Variants in PEBP4 observed in about 807,000 individuals in gnomAD.
PEBP4 encodes the protein phosphatidylethanolamine-binding protein 4.
A neutral mutation model predicts 23.9 loss-of-function variants in PEBP4; 22 were observed. That is an observed-to-expected ratio of 0.92 (90% confidence interval 0.66 to 1.31). The LOEUF (loss-of-function observed/expected upper bound fraction) is 1.31. Ranked by LOEUF, PEBP4 falls within the 40% of genes most tolerant of loss-of-function variation. PEBP4 has a pLI of 0.00. For synonymous variants in PEBP4, 112 were observed against 99.3 expected (o/e 1.13, Z -0.76); for missense variants, 324 against 281.7 (o/e 1.15, Z -1.07).
chr8:22,732,857 C>T (rs1053779664), intron 4 of PEBP4, among the ~76,000 whole-genome samples: 2 of 152,196 alleles, frequency 1.3e-5, no homozygotes, highest in East Asian at 1.9e-4. Context: ...CTCTCTCCCA[C>T]CTCAGATCCC....
intron 3 of PEBP4, among the ~76,000 whole-genome samples, chr8:22,852,249 T>C (rs1036293250): frequency 6.6e-6 from 1 of 152,202 alleles, no homozygotes; most frequent in African/African-American, 2.4e-5. Context: ...ACTCCTGCCC[T>C]CCACCTCCAA....
intron 2 of PEBP4, among the ~76,000 whole-genome samples, chr8:22,926,538 A>T (rs1007746148): frequency 6.6e-6 from 1 of 151,656 alleles, no homozygotes; most frequent in African/African-American, 2.4e-5. Context: ...TAGAGAAAAG[A>T]GTCTCTCTAT....
intron 3 of PEBP4, among the ~76,000 whole-genome samples, chr8:22,855,075 AC>A (rs1807617538): frequency 6.6e-6 from 1 of 151,626 alleles, no homozygotes. Flanking sequence ...CGTTTTTTAA[AC>A]CCTGGAAGAC....
intron 4 of PEBP4, among the ~76,000 whole-genome samples, chr8:22,741,473 C>T (rs963202554): frequency 6.6e-6 from 1 of 152,188 alleles, no homozygotes; most frequent in Non-Finnish European, 1.5e-5. Flanking sequence ...GTTTGACAAT[C>T]ATAGCAAAAA....
At chr8:22,751,330 C>T (rs893203474) in intron 4 of PEBP4, among the ~76,000 whole-genome samples, 12 of 152,154 alleles carry the variant, frequency 7.9e-5, no homozygotes, top group African/African-American at 2.9e-4. Flanking sequence ...AGACAACCTG[C>T]CACTCTTGGG....
At chr8:22,803,054 C>T (rs1005455283) in intron 4 of PEBP4, among the ~76,000 whole-genome samples, 2 of 152,180 alleles carry the variant, frequency 1.3e-5, no homozygotes, top group African/African-American at 4.8e-5. Flanking sequence ...GAGCAGACCC[C>T]TCATGGCCTC....
At chr8:22,860,108 C>T (rs1369376260) in intron 3 of PEBP4, among the ~76,000 whole-genome samples, 2 of 95,222 alleles carry the variant, frequency 2.1e-5, no homozygotes, top group Admixed American at 2.7e-4. Context: ...CAGAGTGAGA[C>T]TCCGTCTCAA....
chr8:22,857,084 A>T (rs984722784), intron 3 of PEBP4, among the ~76,000 whole-genome samples: 6 of 152,240 alleles, frequency 3.9e-5, no homozygotes, highest in African/African-American at 1.4e-4. Flanking sequence ...ACAATTGGTA[A>T]GTATAAAAAT....
chr8:22,906,490 C>A (rs1159267091), intron 3 of PEBP4, among the ~76,000 whole-genome samples: 1 of 152,178 alleles, frequency 6.6e-6, no homozygotes, highest in Admixed American at 6.5e-5. Flanking sequence ...TCTCCTCTTT[C>A]TCTCTCCTTA....
chr8:22,777,929 C>T (rs945887263), intron 4 of PEBP4, among the ~76,000 whole-genome samples: 6 of 152,264 alleles, frequency 3.9e-5, no homozygotes, highest in East Asian at 1.9e-4. Flanking sequence ...AGCCCCCCTC[C>T]GCTCTCCTCT....
chr8:22,717,033 A>T (rs1804431564), intron 6 of PEBP4, among the ~76,000 whole-genome samples: 1 of 152,140 alleles, frequency 6.6e-6, no homozygotes, highest in Non-Finnish European at 1.5e-5. Flanking sequence ...CAAGGTCCCC[A>T]CCCCTAGTGA....
chr8:22,714,151 G>A (rs1337825415), intron 6 of PEBP4, among the ~76,000 whole-genome samples: 1 of 152,258 alleles, frequency 6.6e-6, no homozygotes, highest in Non-Finnish European at 1.5e-5. Context: ...AGCTGGGCCT[G>A]CAGAAACCCA....
At chr8:22,832,054 T>C (rs1807093886) in intron 3 of PEBP4, among the ~76,000 whole-genome samples, 2 of 151,942 alleles carry the variant, frequency 1.3e-5, no homozygotes, top group Admixed American at 6.5e-5. Context: ...TGGATAAGAA[T>C]GGGCACGATA....
chr8:22,892,244 T>C (rs1444069675), intron 3 of PEBP4, among the ~76,000 whole-genome samples: 2 of 152,248 alleles, frequency 1.3e-5, no homozygotes, highest in Non-Finnish European at 2.9e-5. Flanking sequence ...ATGACACGTA[T>C]GGATTGTTTT....
intron 1 of PEBP4, among the ~76,000 whole-genome samples, chr8:22,936,118 C>T (rs1809536609): frequency 6.6e-6 from 1 of 150,528 alleles, no homozygotes; most frequent in Non-Finnish European, 1.5e-5. Flanking sequence ...AACAGAAAAT[C>T]AACAAAACCA....
At chr8:22,737,659 A>T (rs920160500) in intron 4 of PEBP4, among the ~76,000 whole-genome samples, 1 of 152,328 alleles carries the variant, frequency 6.6e-6, no homozygotes, top group African/African-American at 2.4e-5. Context: ...GCAACTTAGC[A>T]TCTAACACAG....
At chr8:22,912,089 G>C (rs1190259629) in intron 3 of PEBP4, among the ~76,000 whole-genome samples, 1 of 152,148 alleles carries the variant, frequency 6.6e-6, no homozygotes, top group Non-Finnish European at 1.5e-5. Context: ...GGTCTGGCAG[G>C]AAGTTCTGGA....
At chr8:22,792,769 T>C (rs779940394) in intron 4 of PEBP4, among the ~76,000 whole-genome samples, 2 of 151,988 alleles carry the variant, frequency 1.3e-5, no homozygotes, top group Non-Finnish European at 1.5e-5. Flanking sequence ...AGCTAATCTG[T>C]AATTGCAAGC....
At chr8:22,802,657 A>C (rs1806410065) in intron 4 of PEBP4, among the ~76,000 whole-genome samples, 1 of 152,182 alleles carries the variant, frequency 6.6e-6, no homozygotes, top group South Asian at 2.1e-4. Context: ...TGGCTTCCAC[A>C]TTCTCCCTCT....
Sources: allele counts gnomAD v4.1 joint callset (sites outside exome capture counted in the v4.1 genomes callset), GRCh38; gene constraint gnomAD v4.1.1; transcripts MANE v1.5; gene names NCBI Gene and HGNC (gene_info 2026-07-23, HGNC 2026-07-21).